AADAC: variants seen among roughly 807,000 people sequenced by gnomAD.
AADAC encodes arylacetamide deacetylase.
In AADAC, 17 loss-of-function variants were observed where a neutral mutation model predicts 22.7. The ratio of observed to expected loss-of-function variants is 0.75; its 90% CI spans 0.51 to 1.12. AADAC has a LOEUF of 1.12. Among genes scored for constraint, AADAC ranks in the 50% most tolerant of loss-of-function variants. The probability of loss-of-function intolerance (pLI) is 0.00; values close to 1 mark genes in which losing one functional copy is unlikely to be tolerated. For missense variants in AADAC, 465 were observed against 473.9 expected (o/e 0.98, Z 0.17); for synonymous variants, 167 against 176.3 (o/e 0.95, Z 0.42).
chr3:151,828,132 T>G lies in AADAC; in HGVS notation c.1160T>G (p.Leu387Arg), dbSNP rs758893533. The G allele has an allele frequency of 1.2e-6, 2 of 1,601,896 alleles. No homozygotes were observed. The highest frequency in any genetic ancestry group is 4.5e-5 in the East Asian group (2 of 44,622). Residue 387 changes from leucine to arginine, a missense_variant, in exon 5 of 5, where the codon CTT becomes CGT. Coordinates refer to ENST00000232892, the MANE Select transcript of AADAC (RefSeq NM_001086.3). ...CTGGGACTTAAAATTAGTCACAGAC[T>G]TATAAATCAGTATATTGAGTGGCTA... is the stretch of plus-strand genomic sequence containing the variant. ...SFLGLKISHR[L>R]INQYIEWLKE...
In AADAC at chr3:151,827,793, C is replaced by T; in HGVS notation, c.821C>T (p.Ser274Leu). 6.2e-7 allele frequency: 1 copy of T among 1,613,292 alleles called. No individual in the cohort carries two copies. The highest frequency in any genetic ancestry group is 8.5e-7 in the Non-Finnish European group (1 of 1,179,496). ...MLSRQHVPVE[S>L]SHLFKFVNWS... The stretch of plus-strand genomic sequence containing the variant: ...TCCAGACAACATGTACCTGTGGAAT[C>T]AAGTCATCTCTTCAAATTTGTTAAT... Residue 274 changes from serine to leucine, a missense_variant, in exon 5 of 5, where the codon TCA (serine) becomes TTA (leucine). Transcript: ENST00000232892.
chr3:151,821,262 T>G (rs1336066571), intron 3 of AADAC, among the ~76,000 whole-genome samples: 1 of 152,000 alleles, frequency 6.6e-6, no homozygotes, highest in Non-Finnish European at 1.5e-5. Flanking sequence ...AAATATAGCG[T>G]ATAGTTTAGG....
intron 1 of AADAC, 138 bp downstream of exon 1, chr3:151,814,438 G>A (rs2293003): frequency 0.53 from 461,478 of 876,120 alleles, 124,849 homozygotes; most frequent in African/African-American, 0.54. Flanking sequence ...TTGACAATGT[G>A]TTACTTAGAA....
chr3:151,821,768 A>C (rs1240608285), intron 3 of AADAC, among the ~76,000 whole-genome samples: 1 of 151,928 alleles, frequency 6.6e-6, no homozygotes, highest in East Asian at 1.9e-4. Context: ...ATGAAAGATA[A>C]AATATACTTT....
intron 3 of AADAC, among the ~76,000 whole-genome samples, chr3:151,822,492 T>C (rs1576643908): frequency 6.6e-6 from 1 of 152,074 alleles, no homozygotes; most frequent in East Asian, 1.9e-4. Flanking sequence ...AAATGTGGCA[T>C]ATCTATACAC....
intron 2 of AADAC, among the ~76,000 whole-genome samples, chr3:151,820,025 T>C (rs1383891776): frequency 6.6e-6 from 1 of 152,092 alleles, no homozygotes; most frequent in Non-Finnish European, 1.5e-5. Context: ...TAGCGACTTG[T>C]CTTTTTATCT....
At chr3:151,825,737 T>C (rs1716464113) in intron 4 of AADAC, among the ~76,000 whole-genome samples, 2 of 152,014 alleles carry the variant, frequency 1.3e-5, no homozygotes, top group Non-Finnish European at 2.9e-5. Context: ...CCAGATTATA[T>C]GTAGAATAGA....
In AADAC at chr3:151,827,746, A is replaced by G. The variant is rs577294160; in HGVS notation, c.774A>G (p.Arg258=). 8 of 1,613,142 alleles carry G rather than the reference A, an allele frequency of 5.0e-6. No homozygotes were observed. Among genetic ancestry groups the G allele is most frequent in the Non-Finnish European group, 6.8e-6 (8 of 1,179,528 alleles). The change falls in exon 5 of 5, where the codon AGA becomes AGG. Residue 258 remains arginine, a synonymous_variant. Coordinates refer to ENST00000232892, the MANE Select transcript of AADAC (RefSeq NM_001086.3). The part of the protein sequence containing the change: ...RFWSEYFTTD[R]SLEKAMLSRQ... ...GGAGTGAATATTTTACCACTGATAG[A>G]TCACTTGAAAAAGCCATGCTTTCCA... is the stretch of plus-strand genomic sequence containing the variant.
At chr3:151,816,335 C>A (rs1229193188) in intron 1 of AADAC, among the ~76,000 whole-genome samples, 1 of 152,062 alleles carries the variant, frequency 6.6e-6, no homozygotes, top group African/African-American at 2.4e-5. Flanking sequence ...TAGCAAAAGA[C>A]TTAGGAAAAG....
At position 151,828,367 on chromosome 3, in the gene AADAC, C is replaced by G. The variant is rs549256342; in HGVS notation, c.*195C>G. ...TTTCTACATTGTCTATCTGCTTTTT[C>G]TGAGATTTTCCTTCTTACACTGTTA... On this transcript the variant is annotated 3_prime_UTR_variant, in exon 5 of 5. Coordinates refer to ENST00000232892, the MANE Select transcript of AADAC (RefSeq NM_001086.3). 6 of 365,766 alleles carry G rather than the reference C, an allele frequency of 1.6e-5. No homozygotes were observed. The South Asian group carries it at 4.3e-4, about 26-fold the overall frequency. 22.7% of individuals were successfully genotyped at this position (365,766 alleles called of 1,614,324 possible).
intron 3 of AADAC, among the ~76,000 whole-genome samples, chr3:151,822,664 A>G (rs1054788355): frequency 6.6e-6 from 1 of 151,994 alleles, no homozygotes; most frequent in Non-Finnish European, 1.5e-5. Flanking sequence ...CCATTTATAT[A>G]AAATGTCCAA....
At chr3:151,826,424 A>G (rs528196885) in intron 4 of AADAC, among the ~76,000 whole-genome samples, 6 of 151,948 alleles carry the variant, frequency 3.9e-5, no homozygotes, top group Non-Finnish European at 8.8e-5. Context: ...ATAAATTTAT[A>G]TAAAAATACC....
chr3:151,828,398 A>G lies in AADAC; in HGVS notation c.*226A>G, dbSNP rs901931871. The G allele has an allele frequency of 3.5e-6, 1 of 283,562 alleles. No individual in the cohort carries two copies. Among genetic ancestry groups the G allele is most frequent in the African/African-American group, 2.2e-5 (1 of 45,514 alleles). 17.6% of individuals were successfully genotyped at this position (283,562 alleles called of 1,614,324 possible). A position where few individuals can be genotyped will look rare whatever the true frequency, so the allele number is the denominator to read the frequency against. ...TTTTCCTTCTTACACTGTTAATCTT[A>G]TTTTAAAAAATATTACATTCTTGTA... On this transcript the variant is annotated 3_prime_UTR_variant, in exon 5 of 5. Transcript: ENST00000232892.
In AADAC at chr3:151,828,307, G is replaced by GTTT; in HGVS notation, c.*143_*145dup. The GTTT allele has an allele frequency of 2.4e-6, 1 of 408,402 alleles. No homozygotes were observed. The highest frequency in any genetic ancestry group is 4.1e-6 in the Non-Finnish European group (1 of 241,814). 25.3% of individuals were successfully genotyped at this position (408,402 alleles called of 1,614,324 possible). On this transcript the variant is annotated 3_prime_UTR_variant, in exon 5 of 5. Transcript: ENST00000232892. ...ATAATTCTTAAATAGGCACTTTTCT[G>GTTT]TTTTTTTTTTCTTACTGTGGGATTT...
chr3:151,822,972 A>T (rs1338355030), intron 3 of AADAC, among the ~76,000 whole-genome samples: 1 of 151,934 alleles, frequency 6.6e-6, no homozygotes, highest in African/African-American at 2.4e-5. Context: ...TGAATATCTC[A>T]GTAAAATGGT....
In AADAC at chr3:151,817,408, T is replaced by G; in HGVS notation, c.181T>G (p.Ser61Ala). Reference sequence around the variant, plus strand: ...CCTGGGACTTCACCATTTTATGGATTCCTTTAAGGTTGTCGGGAGCTTTGA... The same window carrying G: ...CCTGGGACTTCACCATTTTATGGATGCCTTTAAGGTTGTCGGGAGCTTTGA... ...ELLGLHHFMD[S>A]FKVVGSFDEV... Residue 61 changes from serine to alanine, a missense_variant, in exon 2 of 5, where the codon TCC becomes GCC. Transcript: ENST00000232892. The G allele has an allele frequency of 6.2e-7, 1 of 1,613,720 alleles. No individual in the cohort carries two copies. The highest frequency in any genetic ancestry group is 1.1e-5 in the South Asian group (1 of 91,074).
At chr3:151,823,545 C>T (rs960567198) in intron 3 of AADAC, among the ~76,000 whole-genome samples, 1 of 151,734 alleles carries the variant, frequency 6.6e-6, no homozygotes, top group African/African-American at 2.4e-5. Flanking sequence ...CAGGAAAATA[C>T]AAATTAAGAC....
At position 151,827,672 on chromosome 3, in the gene AADAC, G is replaced by A. The variant is rs775973723; in HGVS notation, c.700G>A (p.Glu234Lys). ...PLDVDLPSYQ[E>K]NSNFLFLSKS... ...TGATGTAGATTTACCGTCATATCAA[G>A]AAAATTCAAATTTTCTATTTCTATC... The change falls in exon 5 of 5, where the codon GAA (glutamate) becomes AAA (lysine). Residue 234 changes from glutamate to lysine, a missense_variant. Glu to Lys is a moderately conservative substitution (Grantham distance 56, BLOSUM62 1). Coordinates refer to ENST00000232892, the MANE Select transcript of AADAC (RefSeq NM_001086.3). 6.2e-7 allele frequency: 1 copy of A among 1,612,566 alleles called. No homozygotes were observed. The highest frequency in any genetic ancestry group is 8.5e-7 in the Non-Finnish European group (1 of 1,179,020).
intron 2 of AADAC, among the ~76,000 whole-genome samples, chr3:151,820,134 T>A (rs2271941): frequency 0.52 from 74,051 of 142,954 alleles, 18,421 homozygotes; most frequent in Middle Eastern, 0.55. Context: ...GAAGGATCAA[T>A]GGCAAAATGT....
Sources: allele counts gnomAD v4.1 joint callset (sites outside exome capture counted in the v4.1 genomes callset), GRCh38; gene constraint gnomAD v4.1.1; transcripts MANE v1.5; gene names NCBI Gene and HGNC (gene_info 2026-07-23, HGNC 2026-07-21).